NAPRT: variants seen among roughly 807,000 people sequenced by gnomAD.
NAPRT encodes FHA-HIT-interacting protein.
A neutral mutation model predicts 60.7 loss-of-function variants in NAPRT; 66 were observed. That is an observed-to-expected ratio of 1.09 (90% CI 0.89 to 1.33). The LOEUF (loss-of-function observed/expected upper bound fraction) is 1.33. NAPRT is among the 40% of genes most tolerant of loss of function. The pLI, the probability that NAPRT is intolerant of heterozygous loss-of-function variation, is 0.00. For missense variants in NAPRT, 818 were observed against 731.5 expected, an observed-to-expected ratio of 1.12 and a Z score of -1.36; for synonymous variants, 405 against 335.7, an observed-to-expected ratio of 1.21 and a Z score of -2.26.
rs771356788 is a variant in NAPRT at position 143,576,520 on chromosome 8, A to ATACC, written c.933_934insGGTA (p.Tyr312GlyfsTer13). ...TCCAGCCTCACGCCCACTGCCCGGT[A>ATACC]GCCCAGCTCTCCCAGGGCCAGGGCG... On this transcript the variant is annotated frameshift_variant, in exon 7 of 13. Coordinates refer to ENST00000449291, the MANE Select transcript of NAPRT (RefSeq NM_145201.6). LOFTEE classifies it high-confidence loss of function. 1.2e-6 allele frequency: 2 copies of ATACC among 1,612,458 alleles called. No individual in the cohort carries two copies. The highest frequency in any genetic ancestry group is 2.2e-5 in the South Asian group (2 of 91,022).
rs1824576663 is a variant in NAPRT, at chr8:143,577,714, G to A, written c.380C>T (p.Pro127Leu). Residue 127 changes from proline (P) to leucine (L), a missense_variant, in exon 3 of 13, where the codon CCG (proline) becomes CTG (leucine). Pro to Leu is a moderately conservative substitution (Grantham distance 98). Coordinates refer to ENST00000449291, the MANE Select transcript of NAPRT (RefSeq NM_145201.6). ...CTCCAGCAGCTGCACCACCAGGAGC[G>A]GCCCGGACACCTGCAGGAGCGGCAC... is the stretch of plus-strand genomic sequence containing the variant. ...PGVPLLQVSG[P>L]LLVVQLLETP... 6.5e-7 allele frequency: 1 copy of A among 1,546,232 alleles called. No individual in the cohort carries two copies. The highest frequency in any genetic ancestry group is 1.4e-5 in the African/African-American group (1 of 73,358).
intron 7 of NAPRT, 73 bp downstream of exon 7, chr8:143,576,359 C>A: frequency 6.5e-7 from 1 of 1,537,568 alleles, no homozygotes; most frequent in South Asian, 1.2e-5. Context: ...CAGAGTACCT[C>A]ACTGTCCTTC....
Position 143,577,403 on chromosome 8 carries a change from T to C in NAPRT, c.438-4A>G. The C allele has an allele frequency of 6.2e-7, 1 of 1,605,384 alleles. No individual in the cohort carries two copies. Among genetic ancestry groups the C allele is most frequent in the Non-Finnish European group, 8.5e-7 (1 of 1,176,772 alleles). ...CGCTGCGTTGGTGGCCACCAGGCTG[T>C]GGGGAGCCAAGAGTCAGGGGGTCCC... On this transcript the variant is annotated splice_polypyrimidine_tract_variant and splice_region_variant and intron_variant, in intron 3 of 12. Transcript: ENST00000449291.
In NAPRT at chr8:143,576,478, G is replaced by A. The variant is rs1340049758; in HGVS notation, c.976C>T (p.Gln326Ter). ...GVRLDSGDLLQQAQEIRKVFR... is the reference protein window; with the variant it reads ...GVRLDSGDLL ...ACCTTGCGGATCTCCTGAGCCTGCT[G>A]TAGCAGGTCACCACTGTCCAGCCTC... is the stretch of plus-strand genomic sequence containing the variant. The change falls in exon 7 of 13, where the codon CAG becomes TAG. Residue 326 changes from glutamine to a stop codon, truncating the protein, a stop_gained. Transcript: ENST00000449291. LOFTEE classifies it high-confidence loss of function. 9 of 1,612,426 alleles carry A rather than the reference G, an allele frequency of 5.6e-6. No individual in the cohort carries two copies. The highest frequency in any genetic ancestry group is 1.1e-5 in the South Asian group (1 of 91,068).
chr8:143,576,020 C>T (rs1824429114), intron 8 of NAPRT, 58 bp downstream of exon 8: 2 of 1,419,878 alleles, frequency 1.4e-6, no homozygotes, highest in East Asian at 2.4e-5. Context: ...CAGCCAGAAC[C>T]TGCAGGGGCC....
intron 2 of NAPRT, 33 bp downstream of exon 2, chr8:143,577,783 T>C: frequency 6.3e-7 from 1 of 1,578,258 alleles, no homozygotes; most frequent in Non-Finnish European, 8.6e-7. Flanking sequence ...CAGCACCCCG[T>C]GGCCGCCGCG....
In NAPRT at chr8:143,577,802, T is replaced by C. The variant is rs565097639; in HGVS notation, c.354+14A>G. ...ACCCCGTGGCCGCCGCGCCGCCCGC[T>C]TACCCCTACTCACTCCGGGGAAGGC... On this transcript the variant is annotated intron_variant, in intron 2 of 12. Transcript: ENST00000449291. The C allele has an allele frequency of 3.8e-6, 6 of 1,599,538 alleles. No individual in the cohort carries two copies. The East Asian group carries it at 9.0e-5, about 24-fold the overall frequency.
Position 143,578,148 on chromosome 8 carries a change from G to A in NAPRT, c.171C>T (p.Ala57=), listed in dbSNP as rs896951. 3 of 1,522,720 alleles carry A rather than the reference G, an allele frequency of 2.0e-6. No individual in the cohort carries two copies. In the Admixed American group the frequency reaches 6.4e-5, roughly 32 times the overall value. The allele number at this position is 1,522,720 out of a possible 1,614,324, so 94.3% of individuals were successfully genotyped here. ...AGCGCACACAGTCGCGCAAGCCGGCGGCCAAGGCGAAGGCGCCGCCGAACG... is the reference window on the plus strand; with the variant it reads ...AGCGCACACAGTCGCGCAAGCCGGCAGCCAAGGCGAAGGCGCCGCCGAACG... ...RCPFGGAFAL[A]AGLRDCVRFL... is the part of the protein sequence containing the mutation. The change falls in exon 1 of 13, where the codon GCC becomes GCT. Residue 57 remains alanine, a synonymous_variant. Transcript: ENST00000449291.
chr8:143,576,933 A>G, intron 5 of NAPRT, 91 bp from the exon 6 acceptor site: 1 of 1,498,696 alleles, frequency 6.7e-7, no homozygotes, highest in Non-Finnish European at 9.1e-7. Flanking sequence ...GAGCAAAGGT[A>G]ATGCAGCCCG....
At position 143,575,112 on chromosome 8, in the gene NAPRT, G is replaced by A. The variant is rs779096522; in HGVS notation, c.1447-19C>T. ...CACACAGCTGCAGGGAGGAGGTAAG[G>A]AAAGAGAAGCTTGGGGCTAGCTCCC... On this transcript the variant is annotated intron_variant, in intron 11 of 12. Transcript: ENST00000449291. The A allele has an allele frequency of 3.9e-6, 6 of 1,545,014 alleles. No individual in the cohort carries two copies. The highest frequency in any genetic ancestry group is 5.3e-6 in the Non-Finnish European group (6 of 1,142,322).
intron 4 of NAPRT, 25 bp downstream of exon 4, chr8:143,577,244 G>T: frequency 1.2e-6 from 2 of 1,606,520 alleles, no homozygotes; most frequent in Non-Finnish European, 1.7e-6. Context: ...CCCGGCCCTT[G>T]CCTTGCCCCG....
At chr8:143,574,623 C>A, downstream of NAPRT, 1 of 641,532 alleles carries the variant, frequency 1.6e-6, no homozygotes, top group East Asian at 2.7e-5. Flanking sequence ...CTTCGGGCTT[C>A]AGCACAGGGC....
At chr8:143,574,593 C>T, downstream of NAPRT, 1 of 605,816 alleles carries the variant, frequency 1.7e-6, no homozygotes. Context: ...CTACCCAAAG[C>T]CGGGGAACTC....
At chr8:143,576,365 C>T in intron 7 of NAPRT, 67 bp downstream of exon 7, 4 of 1,545,890 alleles carry the variant, frequency 2.6e-6, no homozygotes, top group Non-Finnish European at 2.6e-6. Context: ...ACCTCACTGT[C>T]CTTCCCTGCC....
At chr8:143,577,545 G>A (rs1014242146) in intron 3 of NAPRT, 112 bp downstream of exon 3, 2 of 1,455,014 alleles carry the variant, frequency 1.4e-6, no homozygotes, top group African/African-American at 2.8e-5. Flanking sequence ...GGGGCGGGAG[G>A]CCAGTCCTGG....
Position 143,577,159 on chromosome 8 carries a change from T to TTGC in NAPRT, c.584_586dup (p.Ser195dup). The stretch of plus-strand genomic sequence containing the variant: ...ACCTCGCAGCTGGCCCGCTAGCACG[T>TTGC]TGCTGCTGCTGTCGAAGCCTGGGGA... On this transcript the variant is annotated inframe_insertion, in exon 5 of 13. Transcript: ENST00000449291. 2 of 1,612,412 alleles carry TTGC rather than the reference T, an allele frequency of 1.2e-6. No homozygotes were observed. Among genetic ancestry groups the TTGC allele is most frequent in the Admixed American group, 1.7e-5 (1 of 60,002 alleles).
chr8:143,573,780 T>G (rs1246206541), downstream of NAPRT: 2 of 152,300 alleles, frequency 1.3e-5, no homozygotes, highest in South Asian at 4.1e-4. Flanking sequence ...TGTGTGTGAG[T>G]CTGTATCTCT....
chr8:143,577,593 A>T, intron 3 of NAPRT, 64 bp downstream of exon 3: 1 of 1,519,526 alleles, frequency 6.6e-7, no homozygotes, highest in South Asian at 1.2e-5. Flanking sequence ...ACAGTCCAGC[A>T]CGGAGCCCCG....
At chr8:143,576,319 C>T (rs1357588712) in intron 7 of NAPRT, 113 bp downstream of exon 7, 8 of 1,452,418 alleles carry the variant, frequency 5.5e-6, no homozygotes, top group Middle Eastern at 1.9e-4. Flanking sequence ...TTCCCTGCCA[C>T]GGCCTGCAGT....
Sources: allele counts gnomAD v4.1 joint callset, GRCh38; gene constraint gnomAD v4.1.1; transcripts MANE v1.5; gene names NCBI Gene and HGNC (gene_info 2026-07-23, HGNC 2026-07-21).